Variants in ZNF668 observed in about 807,000 individuals in gnomAD.
The protein encoded by ZNF668 is zinc finger protein 668.
In ZNF668, 10 loss-of-function variants were observed where a neutral mutation model predicts 40.3. That is an observed-to-expected ratio of 0.25 (90% CI 0.15 to 0.42). The LOEUF (loss-of-function observed/expected upper bound fraction) is 0.42, where lower values mean the gene tolerates loss of function less well. Among genes scored for constraint, ZNF668 ranks in the 10% least tolerant of loss-of-function variants. ZNF668 has a pLI of 1.00. For missense variants in ZNF668, 749 were observed against 904.6 expected, an observed-to-expected ratio of 0.83 and a Z score of 2.21; for synonymous variants, 428 against 384.6, an observed-to-expected ratio of 1.11 and a Z score of -1.32.
In ZNF668 at chr16:31,061,482, C is replaced by T; in HGVS notation, c.1446G>A (p.Glu482=). ...CACCAGCATCTTGGCATTCCACATG[C>T]TCCACCGTCATGCCCACCACCTGCC... ...TQWQVVGMTV[E]HVECQDAGVR... Residue 482 remains glutamate, a synonymous_variant, in exon 3 of 3, where the codon GAG becomes GAA. Transcript: ENST00000300849. This position sits in a 1 kb window ranked among gnomAD's most constrained non-coding sequence, Gnocchi z 7.7. The T allele has an allele frequency of 5.0e-6, 8 of 1,613,396 alleles. No individual in the cohort carries two copies. Among genetic ancestry groups the T allele is most frequent in the Non-Finnish European group, 6.8e-6 (8 of 1,179,984 alleles).
chr16:31,061,421 C>T lies in ZNF668; in HGVS notation c.1507G>A (p.Glu503Lys), dbSNP rs772589685. Reference protein sequence around the residue: ...EAPGPLEGAGEAGGEEADEKP... With the variant: ...EAPGPLEGAGKAGGEEADEKP... ...TCGTCAGCCTCCTCACCCCCCGCCTCGCCTGCCCCTTCCAAGGGACCAGGA... is the reference window on the plus strand; with the variant it reads ...TCGTCAGCCTCCTCACCCCCCGCCTTGCCTGCCCCTTCCAAGGGACCAGGA... Residue 503 changes from glutamate to lysine, a missense_variant, in exon 3 of 3, where the codon GAG becomes AAG. By Grantham distance (56) the Glu-to-Lys change is moderately conservative. Around this residue, in one of 4 missense-constraint regions of ZNF668, gnomAD observed 310 missense variants for 355.1 expected, o/e 0.87. Coordinates refer to ENST00000300849, the MANE Select transcript of ZNF668 (RefSeq NM_024706.5). The surrounding 1 kb of genome is among the most constrained non-coding windows in gnomAD (Gnocchi z 7.7). The T allele has an allele frequency of 1.9e-5, 30 of 1,613,870 alleles. No individual in the cohort carries two copies. Among genetic ancestry groups the T allele is most frequent in the Non-Finnish European group, 2.4e-5 (28 of 1,179,978 alleles).
At chr16:31,070,036 A>C (rs2057004715) in intron 1 of ZNF668, among the ~76,000 whole-genome samples, 1 of 152,150 alleles carries the variant, frequency 6.6e-6, no homozygotes, top group Non-Finnish European at 1.5e-5. Flanking sequence ...GGCCTCCCAG[A>C]GTGCTGGGAT....
At chr16:31,066,377 T>C in intron 1 of ZNF668, 1 of 985,348 alleles carries the variant, frequency 1.0e-6, no homozygotes, top group Non-Finnish European at 1.2e-6. Context: ...TCTCACTTGG[T>C]TATTTCACTT....
At chr16:31,072,053 T>A (rs917746272) in intron 1 of ZNF668, among the ~76,000 whole-genome samples, 1 of 152,314 alleles carries the variant, frequency 6.6e-6, no homozygotes, top group East Asian at 1.9e-4. Context: ...TTATGAGAAG[T>A]GACACCACAA....
chr16:31,061,166 G>C lies in ZNF668; in HGVS notation c.1762C>G (p.Arg588Gly). ...ACAGGGTGGGTGCGTTCATGCTTGC[G>C]CAAGTCGCTGGCACTCAAGAAGGCC... ...PKAFLSASDL[R>G]KHERTHPVPM... The change falls in exon 3 of 3, where the codon CGC becomes GGC. Residue 588 changes from arginine to glycine, a missense_variant. Arg to Gly is a moderately radical substitution (Grantham distance 125). This residue lies in a region of ZNF668 where 310 missense variants were observed against 355.1 expected (regional missense o/e 0.87). Coordinates refer to ENST00000300849, the MANE Select transcript of ZNF668 (RefSeq NM_024706.5). The surrounding 1 kb of genome is among the most constrained non-coding windows in gnomAD (Gnocchi z 7.7). 1.3e-6 allele frequency: 2 copies of C among 1,518,014 alleles called. No homozygotes were observed. The highest frequency in any genetic ancestry group is 2.3e-5 in the Admixed American group (1 of 44,220). 94.0% of individuals were successfully genotyped at this position (1,518,014 alleles called of 1,614,324 possible). A position where few individuals can be genotyped will look rare whatever the true frequency, so the allele number is the denominator to read the frequency against.
rs749330382 is a variant in ZNF668 at position 31,061,742 on chromosome 16, C to T, written c.1186G>A (p.Ala396Thr). 1.8e-5 allele frequency: 29 copies of T among 1,613,428 alleles called. No homozygotes were observed. In the South Asian group the frequency reaches 2.9e-4, roughly 16 times the overall value. Residue 396 changes from alanine to threonine, a missense_variant, in exon 3 of 3, where the codon GCA becomes ACA. By Grantham distance (58) the Ala-to-Thr change is moderately conservative. Coordinates refer to ENST00000300849, the MANE Select transcript of ZNF668 (RefSeq NM_024706.5). The surrounding 1 kb of genome is among the most constrained non-coding windows in gnomAD (Gnocchi z 7.7). ...GACACCACAAAGGATTTCCCACATG[C>T]GTTACAGTGGAAGGGGCGCTCCCCC... Reference protein sequence around the residue: ...HSGERPFHCNACGKSFVVSSS... With the variant: ...HSGERPFHCNTCGKSFVVSSS...
In ZNF668 at chr16:31,061,578, C is replaced by T. The variant is rs1373226999; in HGVS notation, c.1350G>A (p.Ala450=). 4 of 1,608,912 alleles carry T rather than the reference C, an allele frequency of 2.5e-6. No individual in the cohort carries two copies. The highest frequency in any genetic ancestry group is 1.3e-5 in the African/African-American group (1 of 74,926). ...GESSAAPAAG[A]GLGDPPAGLL... ...GCCCTGCTGGAGGGTCCCCCAGCCCCGCCCCTGCTGCCGGGGCGGCTGAAC... is the reference window on the plus strand; with the variant it reads ...GCCCTGCTGGAGGGTCCCCCAGCCCTGCCCCTGCTGCCGGGGCGGCTGAAC... Residue 450 remains alanine (A), a synonymous_variant, in exon 3 of 3, where the codon GCG becomes GCA. Transcript: ENST00000300849. This position sits in a 1 kb window ranked among gnomAD's most constrained non-coding sequence, Gnocchi z 7.7.
At chr16:31,068,239 A>AAAAAAAAAATATATATATAT (rs1473353128) in intron 1 of ZNF668, among the ~76,000 whole-genome samples, 5 of 83,006 alleles carry the variant, frequency 6.0e-5, no homozygotes, top group African/African-American at 2.5e-4. Context: ...AAAAAAAAAA[A>AAAAAAAAAATATATATATAT]ATATATATAT....
intron 2 of ZNF668, among the ~76,000 whole-genome samples, chr16:31,063,106 AAACAAAAAC>A (rs1200764123): frequency 3.9e-5 from 5 of 127,000 alleles, no homozygotes; most frequent in Admixed American, 1.6e-4. Context: ...AAAAACAAAC[AAACAAAAAC>A]AAAACAAAAC....
At position 31,063,799 on chromosome 16, in the gene ZNF668, G is replaced by A; in HGVS notation, c.647+14C>T. 1 of 1,544,828 alleles carries A rather than the reference G, an allele frequency of 6.5e-7. No individual in the cohort carries two copies. Among genetic ancestry groups the A allele is most frequent in the Non-Finnish European group, 8.8e-7 (1 of 1,142,138 alleles). On this transcript the variant is annotated intron_variant, in intron 2 of 2. Coordinates refer to ENST00000300849, the MANE Select transcript of ZNF668 (RefSeq NM_024706.5). ...CTGCCCCGGAAGGCGCCCTGCCCCG[G>A]AAGGCACCCTCACCGCTCATGGTTG... is the stretch of plus-strand genomic sequence containing the variant.
At position 31,064,488 on chromosome 16, in the gene ZNF668, G is replaced by A. The variant is rs769086717; in HGVS notation, c.-22-7C>T. 27 of 1,603,922 alleles carry A rather than the reference G, an allele frequency of 1.7e-5. No individual in the cohort carries two copies. The highest frequency in any genetic ancestry group is 1.5e-4 in the Admixed American group (9 of 60,006). ...CTTGGTGAACGGGGTTTCTCTGCAA[G>A]AGAAGCAAAGTTAGACCAAAGCCAC... On this transcript the variant is annotated splice_region_variant and splice_polypyrimidine_tract_variant and intron_variant, in intron 1 of 2. Coordinates refer to ENST00000300849, the MANE Select transcript of ZNF668 (RefSeq NM_024706.5).
In ZNF668 at chr16:31,063,846, T is replaced by C. The variant is rs1686648642; in HGVS notation, c.614A>G (p.Tyr205Cys). The C allele has an allele frequency of 8.8e-6, 14 of 1,590,886 alleles. No homozygotes were observed. The highest frequency in any genetic ancestry group is 1.1e-5 in the Non-Finnish European group (13 of 1,166,428). The change falls in exon 2 of 3, where the codon TAT (tyrosine) becomes TGT (cysteine). Residue 205 changes from tyrosine to cysteine, a missense_variant. Physicochemically the swap from Tyr to Cys is radical, Grantham distance 194. Around this residue, in one of 4 missense-constraint regions of ZNF668, gnomAD observed 151 missense variants for 178.6 expected, o/e 0.85. Transcript: ENST00000300849. ...GTTGCGGAGGTCCTTGAGCTCCGCA[T>C]AGGCTTTGCCGCAACGCTCACAGCT... Reference protein sequence around the residue: ...PYSCERCGKAYAELKDLRNHE... With the variant: ...PYSCERCGKACAELKDLRNHE...
intron 1 of ZNF668, chr16:31,073,284 G>A (rs2057031556): frequency 6.6e-6 from 1 of 152,476 alleles, no homozygotes; most frequent in Non-Finnish European, 1.5e-5. Flanking sequence ...TAGGACCGCG[G>A]GAGTGGTGGC....
intron 1 of ZNF668, chr16:31,064,828 G>C (rs1257048408): frequency 6.9e-7 from 1 of 1,450,750 alleles, no homozygotes; most frequent in African/African-American, 1.4e-5. Context: ...CAGTGTCCAA[G>C]AACTATGCCA....
At chr16:31,066,366 T>C (rs1354066975) in intron 1 of ZNF668, 36 of 985,288 alleles carry the variant, frequency 3.7e-5, no homozygotes, top group Non-Finnish European at 4.2e-5. Flanking sequence ...CTCCATCTTA[T>C]TCTCACTTGG....
chr16:31,068,239 A>AAAAAAAAAAAATATATAT (rs1473353128), intron 1 of ZNF668, among the ~76,000 whole-genome samples: 4 of 82,982 alleles, frequency 4.8e-5, no homozygotes, highest in African/African-American at 2.0e-4. Flanking sequence ...AAAAAAAAAA[A>AAAAAAAAAAAATATATAT]ATATATATAT....
chr16:31,066,695 C>T (rs989616595), intron 1 of ZNF668, among the ~76,000 whole-genome samples: 1 of 148,976 alleles, frequency 6.7e-6, no homozygotes, highest in Non-Finnish European at 1.5e-5. Flanking sequence ...CAGGGCAAGA[C>T]ACTGTCTCAA....
chr16:31,065,341 T>C (rs965067327), intron 1 of ZNF668, among the ~76,000 whole-genome samples: 3 of 152,176 alleles, frequency 2.0e-5, no homozygotes, highest in African/African-American at 7.2e-5. Flanking sequence ...TTAATGGCTG[T>C]ATTAGTCTTA....
chr16:31,064,990 C>T, intron 1 of ZNF668: 1 of 1,208,132 alleles, frequency 8.3e-7, no homozygotes, highest in East Asian at 4.4e-5. Flanking sequence ...TTTGTGTTTT[C>T]TTTCCTCCTC....
Sources: gnomAD v4.1 joint callset for allele counts (sites outside exome capture counted in the v4.1 genomes callset) on GRCh38, gnomAD v4.1.1 for gene constraint, gnomAD v4.1.1 regional missense constraint, Gnocchi (gnomAD v3.1) non-coding constraint, MANE v1.5 for transcripts, NCBI Gene and HGNC (gene_info 2026-07-23, HGNC 2026-07-21) for gene names.